The following EPHA6 variants were observed in gnomAD, a reference collection of about 807,000 sequenced individuals.
EPHA6 encodes EPH receptor A6, also known as ephrin type-A receptor 6.
A neutral mutation model predicts 112.0 loss-of-function variants in EPHA6; 50 were observed. That is an observed-to-expected ratio of 0.45 (90% confidence interval 0.36 to 0.56). EPHA6 has a LOEUF of 0.56. Ranked by LOEUF, EPHA6 falls within the 20% of genes least tolerant of loss-of-function variation. The pLI is 0.00. For synonymous variants in EPHA6, 529 were observed against 490.7 expected (o/e 1.08, Z -1.03); for missense variants, 1,280 against 1,417.4 (o/e 0.90, Z 1.56).
intron 7 of EPHA6, among the ~76,000 whole-genome samples, chr3:97,466,007 TATTAAA>T (rs1416353282): frequency 4.6e-5 from 7 of 152,028 alleles, no homozygotes; most frequent in Admixed American, 1.3e-4. Flanking sequence ...ATGCAATTTT[TATTAAA>T]TTGATACATG....
intron 12 of EPHA6, among the ~76,000 whole-genome samples, chr3:97,600,771 T>C (rs924257234): frequency 6.6e-6 from 1 of 151,870 alleles, no homozygotes; most frequent in Non-Finnish European, 1.5e-5. Context: ...CTGACATAAG[T>C]GAGCATCATC....
At chr3:97,431,556 G>A (rs75573372) in intron 6 of EPHA6, among the ~76,000 whole-genome samples, 3,457 of 152,088 alleles carry the variant, frequency 0.023, 122 homozygotes, top group African/African-American at 0.075. Context: ...CCCTTGATTC[G>A]TGTGATTTTT....
chr3:96,867,268 A>T (rs554868383), intron 2 of EPHA6, among the ~76,000 whole-genome samples: 1 of 151,824 alleles, frequency 6.6e-6, no homozygotes, highest in Non-Finnish European at 1.5e-5. Flanking sequence ...GTATAAATGG[A>T]TTGTGCAAAT....
At chr3:97,666,789 C>A (rs889231995) in intron 14 of EPHA6, among the ~76,000 whole-genome samples, 7 of 152,282 alleles carry the variant, frequency 4.6e-5, no homozygotes, top group African/African-American at 1.7e-4. Flanking sequence ...TAACAACCCC[C>A]TATGTCTGAG....
rs145226929 is a variant in EPHA6 at position 96,820,754 on chromosome 3, C to G, written c.385+5746C>G. ...CATAAGGTAAACTCATTTGGATCAA[C>G]AAATGCAATTTGATTCATTTCTGAC... is the stretch of plus-strand genomic sequence containing the variant. On this transcript the variant is annotated intron_variant, in intron 1 of 17. Transcript: ENST00000389672. Among the ~76,000 whole-genome samples the G allele has an allele frequency of 1.6e-4, 24 of 152,062 alleles. 1 individual carries two copies. In the East Asian group the frequency reaches 4.6e-3, roughly 29 times the overall value.
chr3:97,659,392 T>A (rs2094155837), intron 14 of EPHA6, among the ~76,000 whole-genome samples: 1 of 151,998 alleles, frequency 6.6e-6, no homozygotes, highest in Non-Finnish European at 1.5e-5. Context: ...TTATCTTGCA[T>A]ATGAATGAAA....
intron 3 of EPHA6, among the ~76,000 whole-genome samples, chr3:97,011,786 T>A (rs2075688619): frequency 6.6e-6 from 1 of 152,180 alleles, no homozygotes; most frequent in African/African-American, 2.4e-5. Context: ...TTTCAACCCT[T>A]ATCCCCCACC....
rs184557833 is a variant in EPHA6, at chr3:97,595,376, G to C, written c.2512+2639G>C. The stretch of plus-strand genomic sequence containing the variant: ...AAATCACAGAAGGCCAGGCGCGGTG[G>C]CTCAGGCCTGTAATCCCAGCACTTT... On this transcript the variant is annotated intron_variant, in intron 12 of 17. Coordinates refer to ENST00000389672, the MANE Select transcript of EPHA6 (RefSeq NM_001080448.3). 3.9e-5 allele frequency among the ~76,000 whole-genome samples: 6 copies of C among 152,244 alleles called. No homozygotes were observed. The South Asian group carries it at 1.0e-3, about 26-fold the overall frequency.
intron 5 of EPHA6, among the ~76,000 whole-genome samples, chr3:97,344,827 T>C (rs2083461589): frequency 6.6e-6 from 1 of 151,994 alleles, no homozygotes; most frequent in African/African-American, 2.4e-5. Context: ...TTTTATTAGC[T>C]TGGAAAGAAT....
At chr3:96,917,187 G>A (rs554296793) in intron 2 of EPHA6, among the ~76,000 whole-genome samples, 10 of 152,004 alleles carry the variant, frequency 6.6e-5, no homozygotes, top group Admixed American at 2.6e-4. Context: ...TTGAGAGGCC[G>A]AGGCAGATGG....
intron 11 of EPHA6, among the ~76,000 whole-genome samples, chr3:97,547,739 A>G (rs1253685981): frequency 1.3e-5 from 2 of 152,024 alleles, no homozygotes; most frequent in Non-Finnish European, 2.9e-5. Context: ...TGCTTTGTTT[A>G]CCTAATCAAA....
At chr3:97,480,768 G>A (rs949739544) in intron 9 of EPHA6, among the ~76,000 whole-genome samples, 11 of 151,822 alleles carry the variant, frequency 7.2e-5, no homozygotes, top group South Asian at 2.1e-4. Context: ...ACGGGGTGGC[G>A]GCCGGGCAGA....
intron 2 of EPHA6, among the ~76,000 whole-genome samples, chr3:96,944,051 A>G (rs572845856): frequency 6.6e-6 from 1 of 152,288 alleles, no homozygotes; most frequent in South Asian, 2.1e-4. Context: ...ACATTTTTCT[A>G]TAAAATTCCT....
chr3:97,264,635 T>C (rs1339660785), intron 5 of EPHA6, among the ~76,000 whole-genome samples: 1 of 152,240 alleles, frequency 6.6e-6, no homozygotes, highest in Non-Finnish European at 1.5e-5. Context: ...CAGTTTGTGA[T>C]ACAGCATTTT....
At chr3:96,944,552 C>G (rs2041150266) in intron 2 of EPHA6, among the ~76,000 whole-genome samples, 1 of 152,128 alleles carries the variant, frequency 6.6e-6, no homozygotes, top group South Asian at 2.1e-4. Context: ...GCATCTTATC[C>G]AACATATCTA....
chr3:97,474,177 A>C (rs2091305348), intron 7 of EPHA6, among the ~76,000 whole-genome samples: 2 of 151,872 alleles, frequency 1.3e-5, no homozygotes, highest in Admixed American at 6.6e-5. Flanking sequence ...TCCCAGAAAA[A>C]GATCTACTTC....
intron 1 of EPHA6, among the ~76,000 whole-genome samples, chr3:96,821,560 T>C (rs1276753218): frequency 6.6e-6 from 1 of 151,908 alleles, no homozygotes; most frequent in Non-Finnish European, 1.5e-5. Flanking sequence ...TTGCCATACA[T>C]AAAGGTTCAA....
At chr3:97,554,266 GC>G (rs1430440602) in intron 11 of EPHA6, among the ~76,000 whole-genome samples, 1 of 151,966 alleles carries the variant, frequency 6.6e-6, no homozygotes, top group African/African-American at 2.4e-5. Flanking sequence ...TTATCCTTCT[GC>G]CATCCAGTTG....
chr3:97,478,997 T>A (rs1403742998), intron 8 of EPHA6, among the ~76,000 whole-genome samples: 1 of 152,164 alleles, frequency 6.6e-6, no homozygotes, highest in Non-Finnish European at 1.5e-5. Flanking sequence ...TGACTTTTAA[T>A]TTTCTTTTTA....
Sources: allele counts gnomAD v4.1 joint callset (sites outside exome capture counted in the v4.1 genomes callset), GRCh38; gene constraint gnomAD v4.1.1; transcripts MANE v1.5; gene names NCBI Gene and HGNC (gene_info 2026-07-23, HGNC 2026-07-21).